The following AKR1C3 variants were observed in gnomAD, a reference collection of about 807,000 sequenced individuals.
AKR1C3 encodes aldo-keto reductase family 1 member C3, also known as 3-alpha hydroxysteroid dehydrogenase, type II.
In AKR1C3, 48 loss-of-function variants were observed where a neutral mutation model predicts 43.6. The ratio of observed to expected loss-of-function variants is 1.10; its 90% CI spans 0.87 to 1.40. The LOEUF is 1.40. Among genes scored for constraint, AKR1C3 ranks in the 40% most tolerant of loss-of-function variants. AKR1C3 has a pLI of 0.00. For synonymous variants in AKR1C3, 162 were observed against 139.6 expected (o/e 1.16, Z -1.13); for missense variants, 482 against 391.2 (o/e 1.23, Z -1.96).
chr10:5,052,533 A>G (rs1265780261), intron 1 of AKR1C3, among the ~76,000 whole-genome samples: 1 of 152,112 alleles, frequency 6.6e-6, no homozygotes, highest in Non-Finnish European at 1.5e-5. Flanking sequence ...TGGTGTGTTT[A>G]CAATCCCTGA....
upstream of AKR1C3, among the ~76,000 whole-genome samples, chr10:5,091,225 C>T (rs1285911347): frequency 3.3e-5 from 5 of 151,924 alleles, no homozygotes; most frequent in African/African-American, 1.2e-4. Context: ...ACTGATGATG[C>T]AGGAAAGAGA....
intron 1 of AKR1C3, among the ~76,000 whole-genome samples, chr10:5,060,164 G>A (rs1554780067): frequency 4.6e-5 from 7 of 152,182 alleles, no homozygotes; most frequent in Non-Finnish European, 1.0e-4. Flanking sequence ...TAAAGGCAGT[G>A]TGGACCCAAA....
In AKR1C3 at chr10:5,105,499, A is replaced by G. The variant is rs1321099981; in HGVS notation, c.847-96A>G. 1.9e-5 allele frequency: 17 copies of G among 917,002 alleles called. No individual in the cohort carries two copies. The East Asian group carries it at 4.3e-4, about 23-fold the overall frequency. The allele number at this position is 917,002 out of a possible 1,614,324, so 56.8% of individuals were successfully genotyped here. On this transcript the variant is annotated intron_variant, in intron 7 of 8. Coordinates refer to ENST00000380554, the MANE Select transcript of AKR1C3 (RefSeq NM_003739.6). ...TTCTATAACTGTTTAAAACTTACCA[A>G]TATTTTAAGTATTGTCTCTGCACCC...
chr10:5,072,136 G>A (rs149461938), intron 1 of AKR1C3, among the ~76,000 whole-genome samples: 1 of 152,144 alleles, frequency 6.6e-6, no homozygotes, highest in Admixed American at 6.5e-5. Flanking sequence ...TTATCTCTGG[G>A]TTCTAGTACT....
chr10:5,074,963 A>G (rs1054178856), intron 1 of AKR1C3, among the ~76,000 whole-genome samples: 6 of 152,164 alleles, frequency 3.9e-5, no homozygotes, highest in Admixed American at 2.6e-4. Flanking sequence ...GTGCTTCTCA[A>G]TATCCCGCCC....
intron 1 of AKR1C3, among the ~76,000 whole-genome samples, chr10:5,083,306 C>T (rs942959569): frequency 2.0e-5 from 3 of 152,078 alleles, no homozygotes; most frequent in Admixed American, 2.0e-4. Flanking sequence ...CAATTCCCAC[C>T]TATGAGTGAG....
chr10:5,072,957 T>G (rs1258073649), intron 1 of AKR1C3, among the ~76,000 whole-genome samples: 1 of 152,118 alleles, frequency 6.6e-6, no homozygotes, highest in Non-Finnish European at 1.5e-5. Context: ...CTTTTTAAAT[T>G]TTATTTGTTT....
chr10:5,050,262 C>T (rs1838126691), intron 1 of AKR1C3, among the ~76,000 whole-genome samples: 2 of 152,214 alleles, frequency 1.3e-5, no homozygotes, highest in South Asian at 2.1e-4. Flanking sequence ...TCCAGAAAGG[C>T]TGCCTTAGTG....
At position 5,097,547 on chromosome 10, in the gene AKR1C3, A is replaced by G; in HGVS notation, c.366A>G (p.Leu122=). 3 of 1,613,562 alleles carry G rather than the reference A, an allele frequency of 1.9e-6. No homozygotes were observed. The highest frequency in any genetic ancestry group is 8.5e-7 in the Non-Finnish European group (1 of 1,179,530). ...DLYLIHSPMS[L]KPGEELSPTD... is the part of the protein sequence containing the mutation. Reference sequence around the variant, plus strand: ...ATCTTATTCATTCTCCAATGTCTCTAAAGGTATGCAGTTTGTATGAGCATA... The same window carrying G: ...ATCTTATTCATTCTCCAATGTCTCTGAAGGTATGCAGTTTGTATGAGCATA... Residue 122 remains leucine, a synonymous_variant, in exon 3 of 9, where the codon CTA becomes CTG. Transcript: ENST00000380554.
At position 5,083,892 on chromosome 10, in the gene AKR1C3, G is replaced by T. The variant is rs531356149; in HGVS notation, c.85-12518G>T. On this transcript the variant is annotated intron_variant, in intron 1 of 8. Transcript: ENST00000439082. Reference sequence around the variant, plus strand: ...AAATGTCTTCTTTTGAGAAGTGTCTGTTCATATACTTTGCCCACTTTTTGA... The same window carrying T: ...AAATGTCTTCTTTTGAGAAGTGTCTTTTCATATACTTTGCCCACTTTTTGA... Among the ~76,000 whole-genome samples the T allele has an allele frequency of 4.6e-5, 7 of 152,308 alleles. No individual in the cohort carries two copies. In the East Asian group the frequency reaches 1.3e-3, roughly 29 times the overall value.
chr10:5,080,343 G>A (rs1284462073), intron 1 of AKR1C3, among the ~76,000 whole-genome samples: 1 of 152,150 alleles, frequency 6.6e-6, no homozygotes, highest in African/African-American at 2.4e-5. Context: ...TCAGAGCCTG[G>A]CTGGGTGCGG....
At chr10:5,100,322 A>T (rs1269238587) in intron 5 of AKR1C3, among the ~76,000 whole-genome samples, 1 of 152,200 alleles carries the variant, frequency 6.6e-6, no homozygotes, top group Non-Finnish European at 1.5e-5. Flanking sequence ...TTACCTGTTT[A>T]TGGAGGTAAC....
At chr10:5,069,645 C>T (rs1838578537) in intron 1 of AKR1C3, among the ~76,000 whole-genome samples, 1 of 152,130 alleles carries the variant, frequency 6.6e-6, no homozygotes, top group South Asian at 2.1e-4. Flanking sequence ...GAGGCCAAGA[C>T]AGGTGGATCA....
At chr10:5,063,791 G>GAAAAAAAAAAAAA (rs1554780518) in intron 1 of AKR1C3, among the ~76,000 whole-genome samples, 242 of 72,680 alleles carry the variant, frequency 3.3e-3, no homozygotes, top group Non-Finnish European at 3.9e-3. Context: ...AAAAAAAAAG[G>GAAAAAAAAAAAAA]AAAATGGCAC....
chr10:5,094,634 C>G lies in AKR1C3; in HGVS notation c.84+106C>G. On this transcript the variant is annotated intron_variant, in intron 1 of 8. Transcript: ENST00000380554. ...CGTGTTCCTACCTTACTCTGGATGACTCACTGGTCTAGGTTTCCTAGGCTA... is the reference window on the plus strand; with the variant it reads ...CGTGTTCCTACCTTACTCTGGATGAGTCACTGGTCTAGGTTTCCTAGGCTA... 6 of 1,259,216 alleles carry G rather than the reference C, an allele frequency of 4.8e-6. No individual in the cohort carries two copies. In the South Asian group the frequency reaches 6.2e-5, roughly 13 times the overall value. The allele number at this position is 1,259,216 out of a possible 1,614,324, so 78.0% of individuals were successfully genotyped here. A position where few individuals can be genotyped will look rare whatever the true frequency, so the allele number is the denominator to read the frequency against.
chr10:5,057,571 C>T (rs556535847), intron 1 of AKR1C3, among the ~76,000 whole-genome samples: 3 of 152,286 alleles, frequency 2.0e-5, no homozygotes, highest in Admixed American at 1.3e-4. Flanking sequence ...TCAAGGAAGG[C>T]AGAAGGATTT....
At chr10:5,097,875 G>T in intron 3 of AKR1C3, 6 of 1,127,144 alleles carry the variant, frequency 5.3e-6, no homozygotes, top group Non-Finnish European at 6.6e-6. Context: ...AGAGTTTCAT[G>T]CAGTTGTGGT....
intron 5 of AKR1C3, 90 bp downstream of exon 5, chr10:5,099,539 T>C (rs1385592933): frequency 1.3e-6 from 2 of 1,586,084 alleles, no homozygotes; most frequent in Admixed American, 3.5e-5. Context: ...GTCCCAGTTA[T>C]CTTTGTGAAG....
intron 1 of AKR1C3, among the ~76,000 whole-genome samples, chr10:5,055,321 T>A (rs1838236599): frequency 1.3e-5 from 2 of 152,310 alleles, no homozygotes; most frequent in South Asian, 4.1e-4. Context: ...GCTCAATTGG[T>A]TCCCCATCCT....
Sources: allele counts gnomAD v4.1 joint callset (sites outside exome capture counted in the v4.1 genomes callset), GRCh38; gene constraint gnomAD v4.1.1; transcripts MANE v1.5; gene names NCBI Gene and HGNC (gene_info 2026-07-23, HGNC 2026-07-21).